Variants in SYT1 observed in about 807,000 individuals in gnomAD.
SYT1 encodes the protein synaptotagmin-1.
SYT1 carries 8 observed loss-of-function variants against 44.8 expected under a neutral mutation model. That is an observed-to-expected ratio of 0.18 (90% CI 0.10 to 0.32). The LOEUF (loss-of-function observed/expected upper bound fraction) is 0.32. Ranked by LOEUF, SYT1 falls within the 10% of genes least tolerant of loss-of-function variation. SYT1 has a pLI of 1.00. For missense variants in SYT1, 286 were observed against 509.3 expected (o/e 0.56, Z 4.22); for synonymous variants, 154 against 188.8 (o/e 0.82, Z 1.51).
chr12:79,179,580 TATAG>T (rs934422296), intron 3 of SYT1, among the ~76,000 whole-genome samples: 10 of 149,834 alleles, frequency 6.7e-5, no homozygotes, highest in Non-Finnish European at 1.3e-4. Flanking sequence ...TAGATATGGA[TATAG>T]ATATAGATTT....
At chr12:79,021,587 AAAG>A (rs1243904659) in intron 2 of SYT1, among the ~76,000 whole-genome samples, 1 of 151,888 alleles carries the variant, frequency 6.6e-6, no homozygotes, top group South Asian at 2.1e-4. Context: ...AATTATAAAA[AAAG>A]AACCATAGCA....
chr12:78,865,225 G>C (rs962238728), intron 1 of SYT1, 116 bp downstream of exon 1: 8 of 152,326 alleles, frequency 5.3e-5, no homozygotes, highest in African/African-American at 1.9e-4. Context: ...CTGAGACCTA[G>C]GGAGGGATCC....
chr12:79,007,149 G>A (rs1871145464), intron 2 of SYT1, among the ~76,000 whole-genome samples: 1 of 152,148 alleles, frequency 6.6e-6, no homozygotes, highest in Non-Finnish European at 1.5e-5. Context: ...ACTGGGCATA[G>A]AGGAGAAGCA....
intron 4 of SYT1, among the ~76,000 whole-genome samples, chr12:79,281,628 C>A (rs1376583009): frequency 2.0e-5 from 3 of 152,134 alleles, no homozygotes; most frequent in Non-Finnish European, 2.9e-5. Flanking sequence ...TACTACTATA[C>A]AATTCATCCA....
At chr12:79,061,037 G>A (rs76523868) in intron 3 of SYT1, among the ~76,000 whole-genome samples, 4,341 of 152,056 alleles carry the variant, frequency 0.029, 186 homozygotes, top group African/African-American at 0.097. Context: ...TGAAGTTAGG[G>A]TATTTAAAAA....
chr12:79,178,131 C>T (rs1872014031), intron 3 of SYT1, among the ~76,000 whole-genome samples: 3 of 152,108 alleles, frequency 2.0e-5, no homozygotes, highest in Non-Finnish European at 4.4e-5. Context: ...ATATTCTCTT[C>T]CCAGGATACC....
chr12:78,873,532 G>A (rs1442837861), intron 1 of SYT1, among the ~76,000 whole-genome samples: 1 of 151,638 alleles, frequency 6.6e-6, no homozygotes, highest in Non-Finnish European at 1.5e-5. Context: ...ATATCACTGT[G>A]ATGTTAGATA....
At chr12:79,021,874 A>C (rs541192459) in intron 2 of SYT1, among the ~76,000 whole-genome samples, 1 of 151,960 alleles carries the variant, frequency 6.6e-6, no homozygotes, top group South Asian at 2.1e-4. Flanking sequence ...GCCAAAATAA[A>C]ATTATTTTTT....
intron 1 of SYT1, among the ~76,000 whole-genome samples, chr12:78,886,434 TA>T (rs1205052385): frequency 6.6e-6 from 1 of 152,044 alleles, no homozygotes; most frequent in African/African-American, 2.4e-5. Context: ...CAGGGATACC[TA>T]CTGTGCTGAA....
intron 9 of SYT1, among the ~76,000 whole-genome samples, chr12:79,397,149 A>C (rs1365723757): frequency 1.3e-5 from 2 of 152,106 alleles, no homozygotes; most frequent in Non-Finnish European, 2.9e-5. Context: ...GCAGGCAGGA[A>C]CCAGCTGGTG....
At chr12:79,299,245 A>G in intron 7 of SYT1, 139 bp from the exon 8 acceptor site, 1 of 926,068 alleles carries the variant, frequency 1.1e-6, no homozygotes, top group South Asian at 1.7e-5. Context: ...AAAAGTCTGA[A>G]TTTAAAAAAT....
chr12:79,013,955 G>A (rs911626106), intron 2 of SYT1, among the ~76,000 whole-genome samples: 2 of 151,350 alleles, frequency 1.3e-5, no homozygotes, highest in East Asian at 1.9e-4. Flanking sequence ...GTGAAACCCC[G>A]TCTCTATTAA....
chr12:78,960,212 C>CTAAACATTG (rs1879431229), intron 1 of SYT1: 1 of 151,984 alleles, frequency 6.6e-6, no homozygotes, highest in Admixed American at 6.6e-5. Context: ...AGATTTCTTT[C>CTAAACATTG]TAAACATTGG....
intron 1 of SYT1, among the ~76,000 whole-genome samples, chr12:78,975,599 T>C (rs61928070): frequency 0.084 from 12,763 of 152,254 alleles, 662 homozygotes; most frequent in African/African-American, 0.14. Context: ...TCTGTGTTTT[T>C]AAATCTGTGA....
At chr12:79,297,991 G>GC (rs1879955219) in intron 7 of SYT1, among the ~76,000 whole-genome samples, 1 of 151,970 alleles carries the variant, frequency 6.6e-6, no homozygotes, top group Admixed American at 6.6e-5. Context: ...CCCTAAAATA[G>GC]CCCCATGAAG....
rs112532239 is a variant in SYT1 at position 79,215,922 on chromosome 12, T to C, written c.-17-1581T>C. ...ACAAATCGTTTGCATTTCTTTCTTT[T>C]TTTTTTTTTTTTTTTTTTTTTTTTT... On this transcript the variant is annotated intron_variant, in intron 3 of 10. Coordinates refer to ENST00000261205, the MANE Select transcript of SYT1 (RefSeq NM_005639.3). Among the ~76,000 whole-genome samples the C allele has an allele frequency of 7.4e-3, 157 of 21,256 alleles. 2 individuals are homozygous for C. The highest frequency in any genetic ancestry group is 0.038 in the African/African-American group (124 of 3,224). The allele number at this position is 21,256 out of a possible 152,430, so 13.9% of individuals were successfully genotyped here.
At chr12:79,036,832 C>T (rs1025495405) in intron 2 of SYT1, among the ~76,000 whole-genome samples, 2 of 151,618 alleles carry the variant, frequency 1.3e-5, no homozygotes, top group African/African-American at 4.8e-5. Context: ...TTCACAATGG[C>T]CCATTTTAAT....
At chr12:79,002,143 C>A (rs974894891) in intron 2 of SYT1, among the ~76,000 whole-genome samples, 1 of 152,042 alleles carries the variant, frequency 6.6e-6, no homozygotes, top group Non-Finnish European at 1.5e-5. Flanking sequence ...TTTCTCATTT[C>A]TTTCAAACAA....
At chr12:79,144,909 G>A (rs1336889200) in intron 3 of SYT1, among the ~76,000 whole-genome samples, 1 of 152,152 alleles carries the variant, frequency 6.6e-6, no homozygotes, top group African/African-American at 2.4e-5. Context: ...CACATTCAGA[G>A]CTTGGTACCC....
Sources: gnomAD v4.1 joint callset for allele counts (sites outside exome capture counted in the v4.1 genomes callset) on GRCh38, gnomAD v4.1.1 for gene constraint, MANE v1.5 for transcripts, NCBI Gene and HGNC (gene_info 2026-07-23, HGNC 2026-07-21) for gene names.